ANGPTL1: variants seen among roughly 807,000 people sequenced by gnomAD.
ANGPTL1 encodes the protein angiopoietin like 1.
ANGPTL1 carries 36 observed loss-of-function variants against 46.7 expected under a neutral mutation model. That is an observed-to-expected ratio of 0.77 (90% confidence interval 0.59 to 1.02). The LOEUF (loss-of-function observed/expected upper bound fraction) is 1.02. Ranked by LOEUF, ANGPTL1 falls within the 50% of genes least tolerant of loss-of-function variation. The pLI is 0.00. For synonymous variants in ANGPTL1, 221 were observed against 204.3 expected, an observed-to-expected ratio of 1.08 and a Z score of -0.69; for missense variants, 571 against 594.7, an observed-to-expected ratio of 0.96 and a Z score of 0.41.
intron 3 of ANGPTL1, among the ~76,000 whole-genome samples, chr1:178,861,197 A>C (rs985718675): frequency 2.0e-5 from 3 of 152,204 alleles, no homozygotes; most frequent in Non-Finnish European, 2.9e-5. Context: ...TTAGTATAGT[A>C]ATTCTTATGG....
rs550159084 is a variant in ANGPTL1, at chr1:178,849,837, C to T, written c.*1292G>A. ...ATCTTCACATTAAGCTATTCCCATGCATAGTTTGCCTCACACATTTCAATT... is the reference window on the plus strand; with the variant it reads ...ATCTTCACATTAAGCTATTCCCATGTATAGTTTGCCTCACACATTTCAATT... On this transcript the variant is annotated 3_prime_UTR_variant, in exon 6 of 6. Coordinates refer to ENST00000234816, the MANE Select transcript of ANGPTL1 (RefSeq NM_004673.4). The T allele has an allele frequency of 6.6e-6, 1 of 152,344 alleles. No individual in the cohort carries two copies. Among genetic ancestry groups the T allele is most frequent in the Non-Finnish European group, 1.5e-5 (1 of 68,026 alleles). 9.4% of individuals were successfully genotyped at this position (152,344 alleles called of 1,614,324 possible).
At chr1:178,864,327 A>G (rs181223493) in intron 3 of ANGPTL1, among the ~76,000 whole-genome samples, 2 of 152,186 alleles carry the variant, frequency 1.3e-5, no homozygotes, top group East Asian at 3.9e-4. Context: ...ACACAGTACT[A>G]ATTGTTTAGC....
rs536863353 is a variant in ANGPTL1 at position 178,861,877 on chromosome 1, TGTA to T, written c.823+3074_823+3076del. 1.3e-3 allele frequency among the ~76,000 whole-genome samples: 199 copies of T among 152,280 alleles called. 2 individuals are homozygous for T. Among genetic ancestry groups the T allele is most frequent in the African/African-American group, 4.2e-3 (175 of 41,548 alleles). ...GGGATTGAGGTTTGTTTGTTGTTGT[TGTA>T]GTTGTTGTTGTTGTTTGAGTCTCAC... is the stretch of plus-strand genomic sequence containing the variant. On this transcript the variant is annotated intron_variant, in intron 3 of 5. Coordinates refer to ENST00000234816, the MANE Select transcript of ANGPTL1 (RefSeq NM_004673.4).
chr1:178,859,052 T>G (rs561463633), intron 3 of ANGPTL1, among the ~76,000 whole-genome samples: 71 of 152,324 alleles, frequency 4.7e-4, no homozygotes, highest in African/African-American at 1.7e-3. Context: ...AGACAAATAC[T>G]TTCTGAAGTG....
intron 3 of ANGPTL1, among the ~76,000 whole-genome samples, chr1:178,856,674 A>G (rs1280130949): frequency 6.6e-6 from 1 of 151,864 alleles, no homozygotes; most frequent in Non-Finnish European, 1.5e-5. Flanking sequence ...ATCATCGGTA[A>G]TTGTTAGTTA....
Position 178,867,187 on chromosome 1 carries a change from G to A in ANGPTL1, c.-26-1385C>T, listed in dbSNP as rs1180685171. ...AATAACAGTAATTAATATTTATTGAGTGCTTGTTCAGTGTTAGGCACTGTT... is the reference window on the plus strand; with the variant it reads ...AATAACAGTAATTAATATTTATTGAATGCTTGTTCAGTGTTAGGCACTGTT... On this transcript the variant is annotated intron_variant, in intron 2 of 5. Coordinates refer to ENST00000234816, the MANE Select transcript of ANGPTL1 (RefSeq NM_004673.4). 3.9e-5 allele frequency among the ~76,000 whole-genome samples: 6 copies of A among 152,132 alleles called. No homozygotes were observed. The East Asian group carries it at 1.2e-3, about 29-fold the overall frequency.
intron 3 of ANGPTL1, among the ~76,000 whole-genome samples, chr1:178,860,793 T>C (rs1299925263): frequency 1.3e-5 from 2 of 152,168 alleles, no homozygotes; most frequent in Non-Finnish European, 2.9e-5. Flanking sequence ...TGTACCTCCA[T>C]GTAAAGTACA....
chr1:178,857,479 A>C (rs1657667214), intron 3 of ANGPTL1, among the ~76,000 whole-genome samples: 1 of 152,158 alleles, frequency 6.6e-6, no homozygotes, highest in East Asian at 1.9e-4. Context: ...ATTCCACTAT[A>C]ATATGACAAG....
chr1:178,867,339 C>A (rs1658481642), intron 2 of ANGPTL1, among the ~76,000 whole-genome samples: 1 of 152,078 alleles, frequency 6.6e-6, no homozygotes, highest in African/African-American at 2.4e-5. Context: ...CACACAGGTT[C>A]ATAGTGATGG....
intron 3 of ANGPTL1, among the ~76,000 whole-genome samples, chr1:178,857,417 G>C (rs975583745): frequency 2.6e-5 from 4 of 152,126 alleles, no homozygotes; most frequent in Non-Finnish European, 4.4e-5. Flanking sequence ...AAGGGATAAA[G>C]AAACAACCTT....
chr1:178,852,460 T>C (rs1657236807), intron 5 of ANGPTL1, among the ~76,000 whole-genome samples: 1 of 152,186 alleles, frequency 6.6e-6, no homozygotes, highest in Non-Finnish European at 1.5e-5. Context: ...TTTTGCTTTG[T>C]GTTTTTTTCC....
chr1:178,868,819 A>C (rs1374789953), intron 2 of ANGPTL1, among the ~76,000 whole-genome samples: 1 of 151,986 alleles, frequency 6.6e-6, no homozygotes, highest in Non-Finnish European at 1.5e-5. Flanking sequence ...TTTTAAATAA[A>C]TATAATTTTT....
intron 3 of ANGPTL1, among the ~76,000 whole-genome samples, chr1:178,855,123 T>G (rs182144677): frequency 1.3e-5 from 2 of 152,188 alleles, no homozygotes; most frequent in East Asian, 3.9e-4. Flanking sequence ...ATAATAGGAT[T>G]GTTGAAATTT....
rs762930538 is a variant in ANGPTL1 at position 178,852,738 on chromosome 1, C to T, written c.1233G>A (p.Met411Ile). The change falls in exon 5 of 6, where the codon ATG becomes ATA. Residue 411 changes from methionine (M) to isoleucine (I), a missense_variant. Transcript: ENST00000234816. ...TYQGNAGDSM[M>I]WHNGKQFTTL... ...TGGTGAATTGTTTACCATTATGCCA[C>T]ATCATAGAATCCCCTGCATTTCCCT... The T allele has an allele frequency of 1.9e-6, 3 of 1,613,694 alleles. No individual in the cohort carries two copies. The highest frequency in any genetic ancestry group is 4.5e-5 in the East Asian group (2 of 44,876).
At chr1:178,859,828 C>T (rs1300904756) in intron 3 of ANGPTL1, among the ~76,000 whole-genome samples, 4 of 84,320 alleles carry the variant, frequency 4.7e-5, no homozygotes, top group Non-Finnish European at 8.2e-5. Context: ...CCGCCCCCCC[C>T]CCCCCAACCG....
In ANGPTL1 at chr1:178,859,996, C is replaced by T. The variant is rs535855391; in HGVS notation, c.823+4958G>A. Among the ~76,000 whole-genome samples the T allele has an allele frequency of 1.6e-4, 24 of 151,916 alleles. No individual in the cohort carries two copies. The South Asian group carries it at 4.2e-3, about 26-fold the overall frequency. The stretch of plus-strand genomic sequence containing the variant: ...CTACACAAAGCACTTCTACCTGTAC[C>T]CCCTCATTTAATCATCACAACAATT... On this transcript the variant is annotated intron_variant, in intron 3 of 5. Transcript: ENST00000234816.
In ANGPTL1 at chr1:178,865,614, C is replaced by T. The variant is rs1658352339; in HGVS notation, c.163G>A (p.Val55Ile). Residue 55 changes from valine (V) to isoleucine (I), a missense_variant, in exon 3 of 6, where the codon GTA (valine) becomes ATA (isoleucine). Physicochemically the swap from Val to Ile is conservative, Grantham distance 29 (BLOSUM62 3). Coordinates refer to ENST00000234816, the MANE Select transcript of ANGPTL1 (RefSeq NM_004673.4). ...GGCCCTGTTATTCTTTGTTCAGGTA[C>T]CAGGAATGTGTATGCACATTTCTTT... The part of the protein sequence containing the change: ...EAKKCAYTFL[V>I]PEQRITGPIC... 1 of 1,613,852 alleles carries T rather than the reference C, an allele frequency of 6.2e-7. No individual in the cohort carries two copies. Among genetic ancestry groups the T allele is most frequent in the Admixed American group, 1.7e-5 (1 of 59,964 alleles).
chr1:178,865,772 T>C lies in ANGPTL1; in HGVS notation c.5A>G (p.Lys2Arg). ...CACACCTAGGGTCCAGGTAAAAGTCTTCATTTTGAAATGAGGTTGTAAAAT... is the reference window on the plus strand; with the variant it reads ...CACACCTAGGGTCCAGGTAAAAGTCCTCATTTTGAAATGAGGTTGTAAAAT... M[K>R]TFTWTLGVLF... The change falls in exon 3 of 6, where the codon AAG becomes AGG. Residue 2 changes from lysine (K) to arginine (R), a missense_variant. Physicochemically the swap from Lys to Arg is conservative, Grantham distance 26. Coordinates refer to ENST00000234816, the MANE Select transcript of ANGPTL1 (RefSeq NM_004673.4). 6.4e-7 allele frequency: 1 copy of C among 1,574,614 alleles called. No individual in the cohort carries two copies. Among genetic ancestry groups the C allele is most frequent in the African/African-American group, 1.4e-5 (1 of 73,146 alleles).
At chr1:178,866,198 T>G (rs1161107954) in intron 2 of ANGPTL1, among the ~76,000 whole-genome samples, 1 of 152,164 alleles carries the variant, frequency 6.6e-6, no homozygotes, top group African/African-American at 2.4e-5. Context: ...TGGTACACAG[T>G]GTTTGTAAGG....
Sources: gnomAD v4.1 joint callset for allele counts (sites outside exome capture counted in the v4.1 genomes callset) on GRCh38, gnomAD v4.1.1 for gene constraint, MANE v1.5 for transcripts, NCBI Gene and HGNC (gene_info 2026-07-23, HGNC 2026-07-21) for gene names.